Variants in AGBL4 observed in about 807,000 individuals in gnomAD.
The protein encoded by AGBL4 is cytosolic carboxypeptidase 6.
Under a neutral mutation model 66.4 loss-of-function variants are expected in AGBL4, and 58 were observed. That is an observed-to-expected ratio of 0.87 (90% confidence interval 0.71 to 1.09). The LOEUF (loss-of-function observed/expected upper bound fraction) is 1.09, where lower values mean the gene tolerates loss of function less well. Ranked by LOEUF, AGBL4 falls within the 50% of genes least tolerant of loss-of-function variation. The probability of loss-of-function intolerance (pLI) is 0.00; values close to 1 mark genes in which losing one functional copy is unlikely to be tolerated. For missense variants in AGBL4, 579 were observed against 631.0 expected (o/e 0.92, Z 0.88); for synonymous variants, 234 against 222.9 (o/e 1.05, Z -0.44).
At chr1:49,843,998 A>G (rs1241179580) in intron 2 of AGBL4, among the ~76,000 whole-genome samples, 1 of 152,154 alleles carries the variant, frequency 6.6e-6, no homozygotes, top group Admixed American at 6.5e-5. Flanking sequence ...TGGGATAGAG[A>G]TACAGTGGTG....
chr1:49,202,548 G>A (rs1055656042), intron 4 of AGBL4, among the ~76,000 whole-genome samples: 7 of 152,114 alleles, frequency 4.6e-5, no homozygotes, highest in Admixed American at 3.9e-4. Context: ...TCAACAATTG[G>A]TATTGGGAAA....
intron 5 of AGBL4, among the ~76,000 whole-genome samples, chr1:48,967,565 CAG>C (rs1658545720): frequency 6.6e-6 from 1 of 152,102 alleles, no homozygotes; most frequent in African/African-American, 2.4e-5. Context: ...ATACTTCGTA[CAG>C]AGATTCAAAA....
intron 6 of AGBL4, among the ~76,000 whole-genome samples, chr1:48,858,238 A>T (rs1647229216): frequency 1.3e-5 from 2 of 152,234 alleles, no homozygotes. Flanking sequence ...ATGGGAATAT[A>T]AAAGGTGCAA....
chr1:49,398,333 T>TTCTCTCTCTCTCTCTCTCTC (rs36025670), intron 3 of AGBL4, among the ~76,000 whole-genome samples: 1 of 143,600 alleles, frequency 7.0e-6, no homozygotes. Context: ...CTCTCTCTCT[T>TTCTCTCTCTCTCTCTCTCTC]TCTCTCTCTC....
chr1:49,917,791 G>GCACCA (rs1007358804), intron 1 of AGBL4, among the ~76,000 whole-genome samples: 2 of 152,140 alleles, frequency 1.3e-5, no homozygotes, highest in Non-Finnish European at 2.9e-5. Flanking sequence ...ATTCTTCTCA[G>GCACCA]CACCACACCA....
At chr1:49,379,938 C>T (rs1288923875) in intron 3 of AGBL4, among the ~76,000 whole-genome samples, 2 of 152,088 alleles carry the variant, frequency 1.3e-5, no homozygotes, top group African/African-American at 4.8e-5. Context: ...TGAAAACTGG[C>T]CTAAGACAGG....
intron 4 of AGBL4, among the ~76,000 whole-genome samples, chr1:49,233,824 A>T (rs914465992): frequency 6.6e-6 from 1 of 152,192 alleles, no homozygotes; most frequent in Admixed American, 6.5e-5. Context: ...ACCAAAATCC[A>T]TGTTCTCCAC....
chr1:49,794,233 C>T (rs983556742), intron 2 of AGBL4, among the ~76,000 whole-genome samples: 3 of 151,450 alleles, frequency 2.0e-5, no homozygotes, highest in Non-Finnish European at 4.4e-5. Flanking sequence ...TTTTTTTTGC[C>T]GATACATAGA....
At chr1:48,605,782 T>A (rs78131821) in intron 9 of AGBL4, among the ~76,000 whole-genome samples, 5 of 152,356 alleles carry the variant, frequency 3.3e-5, no homozygotes, top group Non-Finnish European at 7.3e-5. Flanking sequence ...CCATCCTTTA[T>A]CTTCTCTGAG....
intron 1 of AGBL4, among the ~76,000 whole-genome samples, chr1:50,013,154 T>G (rs2148440252): frequency 6.6e-6 from 1 of 152,258 alleles, no homozygotes; most frequent in East Asian, 1.9e-4. Flanking sequence ...AAAGCTCTAA[T>G]CAGTACAACA....
chr1:49,074,088 A>G (rs896261196), intron 4 of AGBL4, among the ~76,000 whole-genome samples: 1 of 152,072 alleles, frequency 6.6e-6, no homozygotes, highest in Non-Finnish European at 1.5e-5. Context: ...CCCTCCCCCC[A>G]CCAAGCTCCA....
In AGBL4 at chr1:49,764,175, C is replaced by T. The variant is rs575081400; in HGVS notation, c.158-66738G>A. Among the ~76,000 whole-genome samples, 70 of 152,236 alleles carry T rather than the reference C, an allele frequency of 4.6e-4. 1 individual carries two copies. The highest frequency in any genetic ancestry group is 1.5e-3 in the African/African-American group (63 of 41,544). On this transcript the variant is annotated intron_variant, in intron 2 of 13. Transcript: ENST00000371839. ...ACACGCATTCCTCTGGAGCAAAATT[C>T]CCAGAGGCAACAGACAAGGCTGGGC...
intron 3 of AGBL4, among the ~76,000 whole-genome samples, chr1:49,541,417 T>C (rs980939877): frequency 1.3e-5 from 2 of 152,094 alleles, no homozygotes; most frequent in Non-Finnish European, 2.9e-5. Flanking sequence ...CAGCAGACCC[T>C]GCACTAGGAG....
chr1:49,735,284 T>C (rs1649772718), intron 2 of AGBL4, among the ~76,000 whole-genome samples: 1 of 139,380 alleles, frequency 7.2e-6, no homozygotes, highest in South Asian at 2.3e-4. Context: ...AACAAAGAGG[T>C]AGAGGTGTGT....
At chr1:49,406,207 A>G (rs1028174107) in intron 3 of AGBL4, among the ~76,000 whole-genome samples, 1 of 152,320 alleles carries the variant, frequency 6.6e-6, no homozygotes, top group Middle Eastern at 3.4e-3. Context: ...AGACTGCCCT[A>G]GAGATTTGAT....
chr1:50,004,217 C>G (rs1258076479), intron 1 of AGBL4, among the ~76,000 whole-genome samples: 1 of 152,158 alleles, frequency 6.6e-6, no homozygotes, highest in African/African-American at 2.4e-5. Context: ...CAGAAATCAA[C>G]CAGTGCCCCC....
intron 6 of AGBL4, among the ~76,000 whole-genome samples, chr1:48,678,219 C>T (rs1371852121): frequency 1.3e-5 from 2 of 152,130 alleles, no homozygotes; most frequent in East Asian, 3.9e-4. Context: ...GGGACCTGCC[C>T]TCACCCATCC....
At chr1:49,499,030 G>A (rs1204702421) in intron 3 of AGBL4, among the ~76,000 whole-genome samples, 1 of 152,004 alleles carries the variant, frequency 6.6e-6, no homozygotes, top group Non-Finnish European at 1.5e-5. Flanking sequence ...TTCTCTGACA[G>A]TGTCCTTGTA....
At chr1:49,326,460 C>T (rs115088015) in intron 3 of AGBL4, among the ~76,000 whole-genome samples, 1,682 of 152,114 alleles carry the variant, frequency 0.011, 27 homozygotes, top group African/African-American at 0.039. Context: ...AGAGGAGAGA[C>T]ATTTTGGGGA....
Sources: gnomAD v4.1 joint callset for allele counts (sites outside exome capture counted in the v4.1 genomes callset) on GRCh38, gnomAD v4.1.1 for gene constraint, MANE v1.5 for transcripts, NCBI Gene and HGNC (gene_info 2026-07-23, HGNC 2026-07-21) for gene names.